DIP2C: variants seen among roughly 807,000 people sequenced by gnomAD.
The protein encoded by DIP2C is DIP2 acetate--CoA ligase C (putative), also known as disco-interacting protein 2 homolog C.
Under a neutral mutation model 192.4 loss-of-function variants are expected in DIP2C, and 33 were observed. That is an observed-to-expected ratio of 0.17 (90% CI 0.13 to 0.23). The LOEUF (loss-of-function observed/expected upper bound fraction) is 0.23, where lower values mean the gene tolerates loss of function less well. DIP2C is among the 10% of genes least tolerant of loss of function. The pLI is 1.00. For synonymous variants in DIP2C, 979 were observed against 864.1 expected (o/e 1.13, Z -2.33); for missense variants, 1,537 against 2,110.1 (o/e 0.73, Z 5.32).
chr10:424,499 G>A (rs1273069085), intron 4 of DIP2C, among the ~76,000 whole-genome samples: 1 of 151,376 alleles, frequency 6.6e-6, no homozygotes, highest in Admixed American at 6.6e-5. Flanking sequence ...CCAGGTAGCT[G>A]AGATTACAGG....
intron 17 of DIP2C, among the ~76,000 whole-genome samples, chr10:375,894 C>T (rs376522715): frequency 5.3e-5 from 8 of 152,042 alleles, no homozygotes; most frequent in Non-Finnish European, 8.8e-5. Flanking sequence ...CTTATACGGG[C>T]GATCTCCAAT....
At chr10:378,322 C>T (rs1281648735) in intron 17 of DIP2C, among the ~76,000 whole-genome samples, 2 of 152,240 alleles carry the variant, frequency 1.3e-5, no homozygotes, top group East Asian at 1.9e-4. Flanking sequence ...GGCTGACACA[C>T]ATGAACACGA....
intron 1 of DIP2C, among the ~76,000 whole-genome samples, chr10:580,200 G>A (rs576889124): frequency 7.3e-5 from 11 of 151,298 alleles, no homozygotes; most frequent in African/African-American, 2.2e-4. Flanking sequence ...GTATACATAT[G>A]CACATATATA....
intron 3 of DIP2C, among the ~76,000 whole-genome samples, chr10:458,026 G>T (rs761861774): frequency 6.6e-6 from 1 of 152,108 alleles, no homozygotes; most frequent in Admixed American, 6.6e-5. Flanking sequence ...CCACCCGCCC[G>T]AAAGTGCAGT....
chr10:489,435 TGA>T (rs1439129901), intron 1 of DIP2C, among the ~76,000 whole-genome samples: 9 of 152,084 alleles, frequency 5.9e-5, no homozygotes, highest in Non-Finnish European at 1.0e-4. Context: ...TGGTGGGAGG[TGA>T]GAGACTGACA....
intron 32 of DIP2C, among the ~76,000 whole-genome samples, chr10:288,954 A>C (rs1222387356): frequency 6.6e-6 from 1 of 152,226 alleles, no homozygotes; most frequent in African/African-American, 2.4e-5. Context: ...ACATAATGAT[A>C]ATTTAATCTT....
chr10:542,391 T>C (rs754023261), intron 1 of DIP2C, among the ~76,000 whole-genome samples: 7 of 152,168 alleles, frequency 4.6e-5, no homozygotes, highest in African/African-American at 7.2e-5. Flanking sequence ...ATTCCTCCAG[T>C]GCTGCTACTT....
At chr10:453,308 G>A (rs2074454147) in intron 3 of DIP2C, among the ~76,000 whole-genome samples, 1 of 152,178 alleles carries the variant, frequency 6.6e-6, no homozygotes, top group South Asian at 2.1e-4. Flanking sequence ...TGGAAACAAT[G>A]AGAAACAGAA....
rs371242615 is a variant in DIP2C, at chr10:493,401, A to G, written c.86-6871T>C. Among the ~76,000 whole-genome samples the G allele has an allele frequency of 9.2e-5, 14 of 152,310 alleles. No homozygotes were observed. The East Asian group carries it at 1.5e-3, about 17-fold the overall frequency. ...CTCAATTTTGCAGATCTCAGGCCTC[A>G]GCAGTAAGTTGGTTTCAGTGGATGT... On this transcript the variant is annotated intron_variant, in intron 1 of 36. Coordinates refer to ENST00000280886, the MANE Select transcript of DIP2C (RefSeq NM_014974.3).
intron 1 of DIP2C, among the ~76,000 whole-genome samples, chr10:518,460 C>CA (rs910363960): frequency 1.3e-5 from 2 of 152,240 alleles, no homozygotes; most frequent in African/African-American, 4.8e-5. Context: ...TTGAAATCCT[C>CA]ACCCCCAACG....
intron 3 of DIP2C, among the ~76,000 whole-genome samples, chr10:460,892 G>T (rs961937681): frequency 1.3e-5 from 2 of 152,138 alleles, no homozygotes; most frequent in African/African-American, 4.8e-5. Flanking sequence ...GAGAGTGGGG[G>T]CCAATATTCA....
At chr10:300,525 T>C (rs917004819) in intron 32 of DIP2C, among the ~76,000 whole-genome samples, 1 of 151,982 alleles carries the variant, frequency 6.6e-6, no homozygotes, top group African/African-American at 2.4e-5. Flanking sequence ...ATGAGGACAA[T>C]ATTAAGTGCG....
chr10:688,501 T>C (rs2119120888), intron 1 of DIP2C, among the ~76,000 whole-genome samples: 1 of 152,120 alleles, frequency 6.6e-6, no homozygotes, highest in Non-Finnish European at 1.5e-5. Context: ...ACAAAACCGT[T>C]ACCCAAAAAA....
At chr10:366,200 CACT>C in intron 19 of DIP2C, 72 bp downstream of exon 19, 1 of 1,571,148 alleles carries the variant, frequency 6.4e-7, no homozygotes, top group Non-Finnish European at 8.7e-7. Flanking sequence ...CCACGTCTAT[CACT>C]ATGCACCTGG....
chr10:280,759 G>T (rs930799215), intron 36 of DIP2C, among the ~76,000 whole-genome samples: 1 of 152,230 alleles, frequency 6.6e-6, no homozygotes, highest in Non-Finnish European at 1.5e-5. Context: ...TCTTCCTTTG[G>T]AAGTCTCTTC....
intron 1 of DIP2C, among the ~76,000 whole-genome samples, chr10:542,335 G>A (rs183776203): frequency 7.9e-4 from 121 of 152,322 alleles, no homozygotes; most frequent in Non-Finnish European, 1.2e-4. Flanking sequence ...GATGCTCTAT[G>A]TCTTCTCCTC....
At chr10:422,121 G>A (rs1234192977) in intron 5 of DIP2C, among the ~76,000 whole-genome samples, 6 of 152,186 alleles carry the variant, frequency 3.9e-5, no homozygotes, top group African/African-American at 1.2e-4. Flanking sequence ...CGTTATCGGC[G>A]ACGTGGTAAG....
chr10:304,115 C>T (rs1234760599), intron 32 of DIP2C, among the ~76,000 whole-genome samples: 1 of 152,174 alleles, frequency 6.6e-6, no homozygotes, highest in Non-Finnish European at 1.5e-5. Context: ...AAGGTAAGTA[C>T]ATAAACCGGC....
intron 1 of DIP2C, among the ~76,000 whole-genome samples, chr10:594,500 A>G (rs758740068): frequency 2.0e-5 from 3 of 151,774 alleles, no homozygotes; most frequent in Non-Finnish European, 2.9e-5. Flanking sequence ...GCCGAGTACA[A>G]ACCATTTCAA....
Sources: allele counts gnomAD v4.1 joint callset (sites outside exome capture counted in the v4.1 genomes callset), GRCh38; gene constraint gnomAD v4.1.1; transcripts MANE v1.5; gene names NCBI Gene and HGNC (gene_info 2026-07-23, HGNC 2026-07-21).